TPST1: variants seen among roughly 807,000 people sequenced by gnomAD.
TPST1 encodes tyrosylprotein sulfotransferase 1.
Under a neutral mutation model 34.8 loss-of-function variants are expected in TPST1, and 20 were observed. The observed-to-expected ratio is 0.57, with a 90% CI of 0.40 to 0.84. TPST1 has a LOEUF of 0.84. Among genes scored for constraint, TPST1 ranks in the 40% least tolerant of loss-of-function variants. The probability of loss-of-function intolerance (pLI) is 0.00; values close to 1 mark genes in which losing one functional copy is unlikely to be tolerated. For missense variants in TPST1, 353 were observed against 455.5 expected (o/e 0.78, Z 2.05); for synonymous variants, 152 against 159.4 (o/e 0.95, Z 0.35).
At chr7:66,278,908 TA>T (rs1790877194) in intron 2 of TPST1, among the ~76,000 whole-genome samples, 1 of 152,182 alleles carries the variant, frequency 6.6e-6, no homozygotes, top group African/African-American at 2.4e-5. Context: ...AACATACATA[TA>T]ACATGCATTT....
At chr7:66,301,232 C>G (rs542362904) in intron 3 of TPST1, among the ~76,000 whole-genome samples, 1 of 152,310 alleles carries the variant, frequency 6.6e-6, no homozygotes, top group South Asian at 2.1e-4. Context: ...CTCTACTAGC[C>G]TCCAACTTTT....
In TPST1 at chr7:66,240,775, C is replaced by G. The variant is rs753718636; in HGVS notation, c.350C>G (p.Ser117Ter). ...GCCCTGAAGCAGATGTGGTCACGGT[C>G]AAGTAAAGAGAAGATCCGCCTGGAT... ...ILALKQMWSRSSKEKIRLDEA... is the reference protein window; with the variant it reads ...ILALKQMWSR The change falls in exon 2 of 6, where the codon TCA becomes TGA. Residue 117 changes from serine to a stop codon, truncating the protein, a stop_gained. Coordinates refer to ENST00000304842, the MANE Select transcript of TPST1 (RefSeq NM_003596.4). LOFTEE classifies it high-confidence loss of function. 2 of 1,614,060 alleles carry G rather than the reference C, an allele frequency of 1.2e-6. No individual in the cohort carries two copies. The highest frequency in any genetic ancestry group is 1.7e-6 in the Non-Finnish European group (2 of 1,180,044).
chr7:66,312,503 T>A (rs1411243716), intron 3 of TPST1, among the ~76,000 whole-genome samples: 1 of 152,202 alleles, frequency 6.6e-6, no homozygotes, highest in Non-Finnish European at 1.5e-5. Flanking sequence ...GAGATACTTA[T>A]AGGTTAACTT....
At chr7:66,232,807 A>T (rs900771279) in intron 1 of TPST1, among the ~76,000 whole-genome samples, 4 of 152,160 alleles carry the variant, frequency 2.6e-5, no homozygotes, top group Non-Finnish European at 4.4e-5. Context: ...TGTTTTCTAA[A>T]GTGGTTGCAC....
chr7:66,293,216 A>G (rs1019544944), intron 3 of TPST1, among the ~76,000 whole-genome samples: 2 of 152,036 alleles, frequency 1.3e-5, no homozygotes, highest in Non-Finnish European at 2.9e-5. Context: ...AAAAAAAAAA[A>G]AGAAAAACTT....
intron 3 of TPST1, among the ~76,000 whole-genome samples, chr7:66,306,816 G>A (rs1287659281): frequency 6.6e-6 from 1 of 151,784 alleles, no homozygotes. Flanking sequence ...GGGTTGAAGC[G>A]ACTCTTTTGC....
intron 3 of TPST1, among the ~76,000 whole-genome samples, chr7:66,324,820 A>ATC (rs1562845086): frequency 7.1e-6 from 1 of 139,984 alleles, no homozygotes; most frequent in East Asian, 2.1e-4. Flanking sequence ...AAAAAAAAAA[A>ATC]AAAAAAAAAA....
chr7:66,300,735 C>G (rs911123035), intron 3 of TPST1, among the ~76,000 whole-genome samples: 2 of 152,100 alleles, frequency 1.3e-5, no homozygotes, highest in African/African-American at 4.8e-5. Flanking sequence ...CACCTGAGGT[C>G]AGGAGTTCAA....
intron 2 of TPST1, among the ~76,000 whole-genome samples, chr7:66,276,365 C>CATATATATATATATATATATATATATAT (rs138862941): frequency 0.029 from 2,642 of 89,742 alleles, 330 homozygotes; most frequent in African/African-American, 0.062. Context: ...AAAAACATTT[C>CATATATATATATATATATATATATATAT]ATATATATAT....
intron 2 of TPST1, among the ~76,000 whole-genome samples, chr7:66,267,742 T>G (rs768961192): frequency 5.9e-5 from 9 of 152,180 alleles, no homozygotes; most frequent in Admixed American, 1.3e-4. Context: ...CAAATATTTG[T>G]TAAACTTCCA....
chr7:66,219,948 A>C (rs1789506034), intron 1 of TPST1, among the ~76,000 whole-genome samples: 1 of 152,214 alleles, frequency 6.6e-6, no homozygotes, highest in Non-Finnish European at 1.5e-5. Context: ...TGCAAAAAAG[A>C]TTTTGATTCA....
At chr7:66,231,808 G>A (rs1789802538) in intron 1 of TPST1, among the ~76,000 whole-genome samples, 1 of 152,242 alleles carries the variant, frequency 6.6e-6, no homozygotes, top group Admixed American at 6.5e-5. Context: ...GTGGGCTGAA[G>A]GGCTCCTCAG....
At chr7:66,242,718 G>A (rs1247417627) in intron 2 of TPST1, among the ~76,000 whole-genome samples, 4 of 152,120 alleles carry the variant, frequency 2.6e-5, no homozygotes, top group Non-Finnish European at 5.9e-5. Context: ...ATAAAAGGAG[G>A]CCATTAGACC....
chr7:66,354,522 CAAAAAAAAA>C (rs66521537), intron 4 of TPST1, among the ~76,000 whole-genome samples: 47 of 60,792 alleles, frequency 7.7e-4, no homozygotes, highest in African/African-American at 1.2e-3. Flanking sequence ...GAGTCTGTCT[CAAAAAAAAA>C]AAAAAAAAAA....
At chr7:66,276,334 TTTTA>T (rs1790810271) in intron 2 of TPST1, among the ~76,000 whole-genome samples, 3 of 123,058 alleles carry the variant, frequency 2.4e-5, no homozygotes, top group South Asian at 5.1e-4. Context: ...TTTTGAATTG[TTTTA>T]TTTCTTCTTA....
intron 1 of TPST1, among the ~76,000 whole-genome samples, chr7:66,219,272 A>T (rs1789491511): frequency 6.6e-6 from 1 of 152,066 alleles, no homozygotes; most frequent in African/African-American, 2.4e-5. Context: ...AGCTCCAAGT[A>T]ATTTTGGGCT....
At chr7:66,212,552 C>T (rs556979704) in intron 1 of TPST1, among the ~76,000 whole-genome samples, 62 of 151,564 alleles carry the variant, frequency 4.1e-4, no homozygotes, top group African/African-American at 1.5e-3. Flanking sequence ...CTTCGTTTCC[C>T]GGGTTCAAGA....
chr7:66,216,392 G>C (rs1457412802), intron 1 of TPST1, among the ~76,000 whole-genome samples: 1 of 147,296 alleles, frequency 6.8e-6, no homozygotes, highest in African/African-American at 2.5e-5. Flanking sequence ...GATTTTCTCT[G>C]TTCTATTTTC....
At chr7:66,268,749 G>GA (rs1218003897) in intron 2 of TPST1, among the ~76,000 whole-genome samples, 6 of 151,206 alleles carry the variant, frequency 4.0e-5, no homozygotes, top group African/African-American at 1.5e-4. Flanking sequence ...TGCCCAGGCT[G>GA]GAGTGCCTGG....
Sources: allele counts gnomAD v4.1 joint callset (sites outside exome capture counted in the v4.1 genomes callset), GRCh38; gene constraint gnomAD v4.1.1; transcripts MANE v1.5; gene names NCBI Gene and HGNC (gene_info 2026-07-23, HGNC 2026-07-21).